ZMYM4: variants seen among roughly 807,000 people sequenced by gnomAD.
ZMYM4 encodes zinc finger MYM-type protein 4.
ZMYM4 carries 31 observed loss-of-function variants against 183.2 expected under a neutral mutation model. That is an observed-to-expected ratio of 0.17 (90% CI 0.13 to 0.23). The LOEUF (loss-of-function observed/expected upper bound fraction) is 0.23, where lower values mean the gene tolerates loss of function less well. Ranked by LOEUF, ZMYM4 falls within the 10% of genes least tolerant of loss-of-function variation. ZMYM4 has a pLI of 1.00. For missense variants in ZMYM4, 1,273 were observed against 1,840.3 expected (o/e 0.69, Z 5.64); for synonymous variants, 592 against 631.2 (o/e 0.94, Z 0.93).
chr1:35,279,117 C>G (rs950404109), intron 1 of ZMYM4, among the ~76,000 whole-genome samples: 1 of 152,188 alleles, frequency 6.6e-6, no homozygotes, highest in Non-Finnish European at 1.5e-5. Flanking sequence ...CTGTTTCTCC[C>G]CTACCCCCAA....
chr1:35,376,911 T>TA (rs1458504622), intron 7 of ZMYM4, among the ~76,000 whole-genome samples: 1 of 152,090 alleles, frequency 6.6e-6, no homozygotes, highest in African/African-American at 2.4e-5. Context: ...CTTAAGTACA[T>TA]ACGTCTCTTT....
chr1:35,350,852 A>G, intron 2 of ZMYM4: 1 of 568,424 alleles, frequency 1.8e-6, no homozygotes, highest in Non-Finnish European at 3.2e-6. Flanking sequence ...AAAAATAAAT[A>G]CAAAACACAC....
chr1:35,271,297 G>C lies in ZMYM4; in HGVS notation c.39+2212G>C, dbSNP rs200957212. The stretch of plus-strand genomic sequence containing the variant: ...TTCAACTAGATTTTAAATATATTCT[G>C]CCTCTTGTCGTACACTTAAAAGATG... On this transcript the variant is annotated intron_variant, in intron 1 of 29. Transcript: ENST00000314607. Among the ~76,000 whole-genome samples, 13 of 151,556 alleles carry C rather than the reference G, an allele frequency of 8.6e-5. No homozygotes were observed. In the East Asian group the frequency reaches 2.5e-3, roughly 29 times the overall value.
chr1:35,284,446 T>C (rs1476417740), intron 1 of ZMYM4, among the ~76,000 whole-genome samples: 1 of 152,248 alleles, frequency 6.6e-6, no homozygotes, highest in Non-Finnish European at 1.5e-5. Context: ...TTAATCCATC[T>C]TGAGTTAATT....
At position 35,352,386 on chromosome 1, in the gene ZMYM4, G is replaced by GCGCA. The variant is rs1231646476; in HGVS notation, c.86-6538_86-6537insGCAC. Among the ~76,000 whole-genome samples, 1,090 of 128,468 alleles carry GCGCA rather than the reference G, an allele frequency of 8.5e-3. 32 individuals are homozygous for GCGCA. The highest frequency in any genetic ancestry group is 0.034 in the East Asian group (150 of 4,368). The allele number at this position is 128,468 out of a possible 152,430, so 84.3% of individuals were successfully genotyped here. A position where few individuals can be genotyped will look rare whatever the true frequency, so the allele number is the denominator to read the frequency against. On this transcript the variant is annotated intron_variant, in intron 2 of 29. Coordinates refer to ENST00000314607, the MANE Select transcript of ZMYM4 (RefSeq NM_005095.3). Reference sequence around the variant, plus strand: ...CTCTACTAATAATTTAAAAATTAGCGCACACACACACACACACACACACAC... The same window carrying GCGCA: ...CTCTACTAATAATTTAAAAATTAGCGCGCACACACACACACACACACACACACAC...
chr1:35,274,616 TAA>T (rs75013095), intron 1 of ZMYM4, among the ~76,000 whole-genome samples: 32 of 134,608 alleles, frequency 2.4e-4, no homozygotes, highest in Middle Eastern at 3.8e-3. Context: ...TTTTTTTTTT[TAA>T]AAAAAAAAAA....
chr1:35,361,299 T>C (rs910466958), intron 4 of ZMYM4, 44 bp downstream of exon 4: 12 of 1,530,530 alleles, frequency 7.8e-6, no homozygotes, highest in Non-Finnish European at 1.1e-5. Flanking sequence ...CTGTGACAAG[T>C]GTCAAAGTTT....
chr1:35,301,582 G>T (rs1025165731), intron 1 of ZMYM4, among the ~76,000 whole-genome samples: 2 of 151,536 alleles, frequency 1.3e-5, no homozygotes, highest in East Asian at 3.9e-4. Flanking sequence ...TTTCCTTCTG[G>T]TTGATGGAAC....
At chr1:35,385,308 T>A in intron 9 of ZMYM4, 134 bp from the exon 10 acceptor site, 1 of 944,468 alleles carries the variant, frequency 1.1e-6, no homozygotes. Context: ...AACTTCCTAT[T>A]GAGGATTACA....
intron 9 of ZMYM4, among the ~76,000 whole-genome samples, chr1:35,383,288 G>T (rs1301592799): frequency 1.3e-5 from 2 of 151,646 alleles, no homozygotes; most frequent in Non-Finnish European, 2.9e-5. Context: ...ATATTTATGG[G>T]GTAAGTACTT....
intron 1 of ZMYM4, among the ~76,000 whole-genome samples, chr1:35,288,025 T>C (rs1640590816): frequency 1.3e-5 from 2 of 152,238 alleles, no homozygotes; most frequent in African/African-American, 4.8e-5. Context: ...TATTAGTTAC[T>C]GGCTTCTAGT....
chr1:35,393,720 A>G lies in ZMYM4; in HGVS notation c.2892A>G (p.Gln964=). The G allele has an allele frequency of 6.2e-7, 1 of 1,608,084 alleles. No individual in the cohort carries two copies. The highest frequency in any genetic ancestry group is 8.5e-7 in the Non-Finnish European group (1 of 1,177,392). The part of the protein sequence containing the change: ...TKATSCKPHT[Q]NKECQTEDTP... ...CCACCTCTTGCAAACCACATACCCA[A>G]AACAAAGAATGCCAGACAGGTATGT... Residue 964 remains glutamine (Q), a synonymous_variant, in exon 18 of 30, where the codon CAA becomes CAG. Transcript: ENST00000314607.
chr1:35,384,590 C>T (rs922053860), intron 9 of ZMYM4, among the ~76,000 whole-genome samples: 5 of 152,014 alleles, frequency 3.3e-5, no homozygotes, highest in African/African-American at 4.8e-5. Context: ...TCTTACTTTA[C>T]GCTTATGGAG....
intron 28 of ZMYM4, among the ~76,000 whole-genome samples, 163 bp downstream of exon 28, chr1:35,415,877 C>CA (rs1299082873): frequency 6.6e-6 from 1 of 152,140 alleles, no homozygotes; most frequent in Admixed American, 6.6e-5. Context: ...AGGCTGGCCT[C>CA]AAAGTGAGAG....
chr1:35,416,827 G>A (rs1640134672), intron 28 of ZMYM4, among the ~76,000 whole-genome samples: 1 of 152,172 alleles, frequency 6.6e-6, no homozygotes, highest in Non-Finnish European at 1.5e-5. Context: ...GCCTCTCAAA[G>A]TGCTGGGATT....
intron 15 of ZMYM4, 110 bp from the exon 16 acceptor site, chr1:35,392,102 C>G: frequency 7.0e-7 from 1 of 1,426,974 alleles, no homozygotes; most frequent in Non-Finnish European, 9.6e-7. Flanking sequence ...CTTTTTGCTC[C>G]AACAGAAATT....
intron 15 of ZMYM4, among the ~76,000 whole-genome samples, chr1:35,390,503 A>T (rs1329231579): frequency 6.6e-6 from 1 of 152,130 alleles, no homozygotes; most frequent in East Asian, 1.9e-4. Context: ...GAGCCAGGAA[A>T]AGGAATTTCA....
intron 2 of ZMYM4, among the ~76,000 whole-genome samples, chr1:35,344,605 T>G (rs1250290396): frequency 6.6e-6 from 1 of 152,168 alleles, no homozygotes; most frequent in Non-Finnish European, 1.5e-5. Context: ...GATCATGTTA[T>G]TTTTTCCTTT....
At chr1:35,284,222 T>C (rs478071) in intron 1 of ZMYM4, among the ~76,000 whole-genome samples, 151,880 of 151,972 alleles carry the variant, frequency 1, 75,894 homozygotes, top group Middle Eastern at 1. Context: ...ATGATCCACC[T>C]GCCTCGGCCT....
Sources: gnomAD v4.1 joint callset for allele counts (sites outside exome capture counted in the v4.1 genomes callset) on GRCh38, gnomAD v4.1.1 for gene constraint, MANE v1.5 for transcripts, NCBI Gene and HGNC (gene_info 2026-07-23, HGNC 2026-07-21) for gene names.